Variants in NOL10 observed in about 807,000 individuals in gnomAD.
NOL10 encodes nucleolar protein 10.
In NOL10, 58 loss-of-function variants were observed where a neutral mutation model predicts 103.5. The ratio of observed to expected loss-of-function variants is 0.56; its 90% confidence interval spans 0.45 to 0.70. The LOEUF is 0.70. Among genes scored for constraint, NOL10 ranks in the 30% least tolerant of loss-of-function variants. NOL10 has a pLI of 0.00. For missense variants in NOL10, 763 were observed against 807.3 expected, an observed-to-expected ratio of 0.95 and a Z score of 0.67; for synonymous variants, 287 against 282.5, an observed-to-expected ratio of 1.02 and a Z score of -0.16.
At chr2:10,670,580 C>T (rs1227660838) in intron 6 of NOL10, among the ~76,000 whole-genome samples, 1 of 151,942 alleles carries the variant, frequency 6.6e-6, no homozygotes, top group Non-Finnish European at 1.5e-5. Context: ...ACTAAAAATA[C>T]AAAAATTAGC....
chr2:10,608,728 AAAAAG>A (rs1184396377), intron 13 of NOL10, among the ~76,000 whole-genome samples: 1 of 152,220 alleles, frequency 6.6e-6, no homozygotes, highest in African/African-American at 2.4e-5. Context: ...CTCTTCAAAT[AAAAAG>A]AAAAGTAAAT....
rs529802709 is a variant in NOL10, at chr2:10,653,434, A to G, written c.973+1047T>C. Among the ~76,000 whole-genome samples the G allele has an allele frequency of 8.8e-4, 134 of 152,232 alleles. 2 individuals carry two copies. The highest frequency in any genetic ancestry group is 6.2e-4 in the South Asian group (3 of 4,824). On this transcript the variant is annotated intron_variant, in intron 12 of 20. Transcript: ENST00000381685. ...CCTGTGCTCCCCATCTCAGCTCAGA[A>G]TATCAGTTACTTCCAAGGCACTTTT...
intron 13 of NOL10, among the ~76,000 whole-genome samples, chr2:10,636,922 C>T (rs1013787125): frequency 6.6e-6 from 1 of 152,114 alleles, no homozygotes; most frequent in Non-Finnish European, 1.5e-5. Flanking sequence ...CCCTTAGAGG[C>T]TGGGTGTGGT....
intron 4 of NOL10, 115 bp from the exon 5 acceptor site, chr2:10,673,672 T>G (rs1384742795): frequency 6.6e-6 from 4 of 610,248 alleles, no homozygotes; most frequent in African/African-American, 5.7e-5. Context: ...CCAGTTTTTT[T>G]CTGCCTCTAC....
chr2:10,684,934 A>C (rs948317528), intron 1 of NOL10, among the ~76,000 whole-genome samples: 3 of 152,220 alleles, frequency 2.0e-5, no homozygotes, highest in Non-Finnish European at 4.4e-5. Flanking sequence ...TCCTGGGCTC[A>C]AACAATCCTC....
chr2:10,654,600 G>T, intron 11 of NOL10, 53 bp from the exon 12 acceptor site: 1 of 1,181,954 alleles, frequency 8.5e-7, no homozygotes, highest in Non-Finnish European at 1.2e-6. Context: ...CAACAACTTT[G>T]GCAATGTCAA....
intron 9 of NOL10, among the ~76,000 whole-genome samples, chr2:10,661,465 G>A (rs1354664465): frequency 1.7e-4 from 26 of 151,682 alleles, no homozygotes; most frequent in Admixed American, 1.5e-3. Flanking sequence ...TCTGCCTCCC[G>A]GGTTCAGGCG....
chr2:10,588,741 C>G (rs1572243716), intron 19 of NOL10, among the ~76,000 whole-genome samples: 1 of 152,300 alleles, frequency 6.6e-6, no homozygotes, highest in South Asian at 2.1e-4. Flanking sequence ...TCCACTGATA[C>G]TCATAAGGCT....
chr2:10,687,666 T>C (rs1682310137), intron 1 of NOL10, among the ~76,000 whole-genome samples: 1 of 152,126 alleles, frequency 6.6e-6, no homozygotes, highest in South Asian at 2.1e-4. Flanking sequence ...CTATTGAAAA[T>C]AAAAACCTTG....
At chr2:10,578,334 A>G (rs1393125237) in intron 19 of NOL10, among the ~76,000 whole-genome samples, 4 of 152,242 alleles carry the variant, frequency 2.6e-5, no homozygotes, top group Non-Finnish European at 5.9e-5. Flanking sequence ...GATGACGCTG[A>G]GAGAAAACAA....
intron 13 of NOL10, among the ~76,000 whole-genome samples, chr2:10,627,706 A>T (rs1677566596): frequency 6.6e-6 from 1 of 151,510 alleles, no homozygotes; most frequent in Non-Finnish European, 1.5e-5. Context: ...AAACAAAAAA[A>T]AACAAACAAC....
Position 10,682,068 on chromosome 2 carries a change from A to G in NOL10, c.114T>C (p.Asp38=). 1.4e-6 allele frequency: 2 copies of G among 1,444,438 alleles called. No individual in the cohort carries two copies. The highest frequency in any genetic ancestry group is 1.9e-6 in the Non-Finnish European group (2 of 1,080,508). The allele number at this position is 1,444,438 out of a possible 1,614,324, so 89.5% of individuals were successfully genotyped here. Residue 38 remains aspartate, a splice_region_variant and synonymous_variant, in exon 3 of 21, where the codon GAT becomes GAC. Coordinates refer to ENST00000381685, the MANE Select transcript of NOL10 (RefSeq NM_024894.4). ...GAATAAGTTCAATTCTCCTACGGAC[A>G]TCTAAAAAGAGAGAAAAAAACAACT... ...KKRALQKKDV[D]VRRRIELIQD...
At chr2:10,607,088 G>T in intron 14 of NOL10, 97 bp downstream of exon 14, 1 of 666,444 alleles carries the variant, frequency 1.5e-6, no homozygotes, top group Non-Finnish European at 2.3e-6. Context: ...TTTAGGAGAT[G>T]AGGTAAACAT....
At chr2:10,684,508 G>A in intron 2 of NOL10, 59 bp downstream of exon 2, 1 of 1,325,178 alleles carries the variant, frequency 7.5e-7, no homozygotes, top group Non-Finnish European at 1.0e-6. Flanking sequence ...CAGCAAATGA[G>A]TAAAAGCATT....
intron 17 of NOL10, among the ~76,000 whole-genome samples, chr2:10,596,243 C>A (rs1675681932): frequency 1.2e-5 from 1 of 80,462 alleles, no homozygotes. Context: ...GACAAGTTTT[C>A]CACAGATGGT....
intron 1 of NOL10, among the ~76,000 whole-genome samples, chr2:10,686,248 G>A (rs1252883074): frequency 6.6e-6 from 1 of 152,136 alleles, no homozygotes; most frequent in Non-Finnish European, 1.5e-5. Flanking sequence ...ATAAGGTTAA[G>A]GTCCTCTTGA....
intron 20 of NOL10, among the ~76,000 whole-genome samples, chr2:10,575,491 C>T (rs1045787306): frequency 2.0e-5 from 3 of 152,194 alleles, no homozygotes; most frequent in African/African-American, 7.2e-5. Flanking sequence ...CATTAATTGA[C>T]ACAGTCCTCA....
chr2:10,646,978 C>G (rs1284481070), intron 12 of NOL10, among the ~76,000 whole-genome samples: 2 of 152,138 alleles, frequency 1.3e-5, no homozygotes, highest in African/African-American at 4.8e-5. Flanking sequence ...CATATGAACA[C>G]AGAATTAATA....
At chr2:10,670,555 T>C (rs2148341184) in intron 6 of NOL10, among the ~76,000 whole-genome samples, 1 of 152,110 alleles carries the variant, frequency 6.6e-6, no homozygotes, top group African/African-American at 2.4e-5. Flanking sequence ...GCCAACAAGG[T>C]GAAACATCGC....
Sources: gnomAD v4.1 joint callset for allele counts (sites outside exome capture counted in the v4.1 genomes callset) on GRCh38, gnomAD v4.1.1 for gene constraint, MANE v1.5 for transcripts, NCBI Gene and HGNC (gene_info 2026-07-23, HGNC 2026-07-21) for gene names.